Variants in SHISA9 observed in about 807,000 individuals in gnomAD.
SHISA9 encodes the protein protein shisa-9.
SHISA9 carries 13 observed loss-of-function variants against 38.0 expected under a neutral mutation model. The observed-to-expected ratio is 0.34, with a 90% CI of 0.22 to 0.54. SHISA9 has a LOEUF of 0.54. Among genes scored for constraint, SHISA9 ranks in the 20% least tolerant of loss-of-function variants. The pLI is 0.91. For synonymous variants in SHISA9, 275 were observed against 242.0 expected, an observed-to-expected ratio of 1.14 and a Z score of -1.27; for missense variants, 538 against 575.8, an observed-to-expected ratio of 0.93 and a Z score of 0.67.
chr16:13,292,344 C>T, the SHISA9 span, among the ~76,000 whole-genome samples: 1 of 151,982 alleles, frequency 6.6e-6, no homozygotes, highest in Non-Finnish European at 1.5e-5. Context: ...TTGGATATTC[C>T]TGTCCAGATT....
the SHISA9 span, among the ~76,000 whole-genome samples, chr16:13,327,588 C>T: frequency 6.6e-6 from 1 of 152,058 alleles, no homozygotes; most frequent in African/African-American, 2.4e-5. Context: ...TGCACTCCAG[C>T]CTGGGTGACA....
intron 2 of SHISA9, among the ~76,000 whole-genome samples, chr16:13,060,146 C>T (rs866308940): frequency 3.9e-5 from 6 of 152,194 alleles, no homozygotes; most frequent in Middle Eastern, 3.2e-3. Context: ...ACGGGCCTGG[C>T]TCCAAGGTGC....
chr16:13,495,649 A>G, the SHISA9 span, among the ~76,000 whole-genome samples: 1 of 151,948 alleles, frequency 6.6e-6, no homozygotes. Context: ...CTGATTTTAA[A>G]TATTTGGTGA....
the SHISA9 span, among the ~76,000 whole-genome samples, chr16:13,366,711 A>G: frequency 1.3e-5 from 2 of 151,138 alleles, no homozygotes; most frequent in East Asian, 3.9e-4. Flanking sequence ...AAAGAGGCCA[A>G]GTGCAGTGAC....
chr16:13,439,682 T>G, the SHISA9 span, among the ~76,000 whole-genome samples: 1 of 152,170 alleles, frequency 6.6e-6, no homozygotes, highest in Non-Finnish European at 1.5e-5. Context: ...AGACATGGCT[T>G]CTGGTGACCC....
chr16:12,941,858 T>G (rs1018206245), intron 2 of SHISA9, among the ~76,000 whole-genome samples: 5 of 152,062 alleles, frequency 3.3e-5, no homozygotes, highest in Non-Finnish European at 7.4e-5. Flanking sequence ...CTCAAAAAAA[T>G]TAAATAAACA....
chr16:12,977,070 A>G (rs2072172856), intron 2 of SHISA9, among the ~76,000 whole-genome samples: 1 of 152,170 alleles, frequency 6.6e-6, no homozygotes, highest in African/African-American at 2.4e-5. Flanking sequence ...GTTTGGCCAT[A>G]TGACTTACTG....
intron 2 of SHISA9, among the ~76,000 whole-genome samples, chr16:12,917,109 C>T (rs986672292): frequency 2.0e-5 from 3 of 152,144 alleles, no homozygotes; most frequent in Non-Finnish European, 4.4e-5. Flanking sequence ...TAGTGGCCCT[C>T]TTGGTTGTTT....
At chr16:12,907,064 C>CCCTCCCTT (rs2071107621) in intron 1 of SHISA9, among the ~76,000 whole-genome samples, 1 of 133,040 alleles carries the variant, frequency 7.5e-6, no homozygotes, top group Non-Finnish European at 1.6e-5. Flanking sequence ...CTCCTTCCCT[C>CCCTCCCTT]CCTCCCTTCC....
intron 2 of SHISA9, among the ~76,000 whole-genome samples, chr16:12,969,946 T>C (rs953692431): frequency 1.3e-5 from 2 of 151,956 alleles, no homozygotes; most frequent in African/African-American, 2.4e-5. Context: ...CTAAAAGATA[T>C]GCAGGGAAAA....
At chr16:13,170,664 G>A (rs1206184489) in intron 2 of SHISA9, among the ~76,000 whole-genome samples, 1 of 152,152 alleles carries the variant, frequency 6.6e-6, no homozygotes, top group Non-Finnish European at 1.5e-5. Context: ...TTGTTTGTTT[G>A]TTTGTTTTTT....
the SHISA9 span, among the ~76,000 whole-genome samples, chr16:13,492,831 G>A: frequency 2.6e-5 from 4 of 152,206 alleles, no homozygotes; most frequent in East Asian, 3.8e-4. Flanking sequence ...AAGAAACAGC[G>A]AGTTATATGA....
intron 2 of SHISA9, among the ~76,000 whole-genome samples, chr16:13,054,273 C>T (rs1222484408): frequency 2.6e-5 from 4 of 152,180 alleles, no homozygotes; most frequent in African/African-American, 4.8e-5. Context: ...TGATCTTCAC[C>T]TTACAGGGTG....
At chr16:13,219,319 A>C (rs1448024154) in intron 4 of SHISA9, among the ~76,000 whole-genome samples, 1 of 152,212 alleles carries the variant, frequency 6.6e-6, no homozygotes, top group East Asian at 1.9e-4. Flanking sequence ...TTTTGTTAAT[A>C]AATTATTAAA....
At chr16:13,057,254 A>G (rs920054475) in intron 2 of SHISA9, among the ~76,000 whole-genome samples, 1 of 152,168 alleles carries the variant, frequency 6.6e-6, no homozygotes. Context: ...TGCCTTTCAC[A>G]AGACAGCCCT....
intron 2 of SHISA9, among the ~76,000 whole-genome samples, chr16:13,079,681 G>A (rs1381347962): frequency 6.6e-6 from 1 of 152,064 alleles, no homozygotes; most frequent in African/African-American, 2.4e-5. Context: ...CCCTTGATTT[G>A]CCTAATTTTA....
At chr16:12,948,428 A>G (rs548311188) in intron 2 of SHISA9, among the ~76,000 whole-genome samples, 1 of 152,360 alleles carries the variant, frequency 6.6e-6, no homozygotes, top group African/African-American at 2.4e-5. Context: ...TGCCCCAAGT[A>G]AGTTATTGAC....
intron 2 of SHISA9, among the ~76,000 whole-genome samples, chr16:13,183,168 A>G (rs762936822): frequency 6.6e-6 from 1 of 152,070 alleles, no homozygotes; most frequent in Non-Finnish European, 1.5e-5. Flanking sequence ...AAGCAGTCAC[A>G]AAGTTCTGCC....
the SHISA9 span, chr16:13,350,716 A>T: frequency 2.6e-5 from 4 of 152,110 alleles, no homozygotes; most frequent in Non-Finnish European, 5.9e-5. Flanking sequence ...CTCCAAGATG[A>T]CCCTAAGCTG....
Sources: allele counts gnomAD v4.1 joint callset (sites outside exome capture counted in the v4.1 genomes callset), GRCh38; gene constraint gnomAD v4.1.1; transcripts MANE v1.5; gene names NCBI Gene and HGNC (gene_info 2026-07-23, HGNC 2026-07-21).